The following GRID1 variants were observed in gnomAD, a reference collection of about 807,000 sequenced individuals.
GRID1 encodes glutamate receptor ionotropic, delta-1.
Under a neutral mutation model 98.0 loss-of-function variants are expected in GRID1, and 28 were observed. The observed-to-expected ratio is 0.29, with a 90% CI of 0.21 to 0.39. The LOEUF (loss-of-function observed/expected upper bound fraction) is 0.39. Among genes scored for constraint, GRID1 ranks in the 10% least tolerant of loss-of-function variants. GRID1 has a pLI of 1.00. For synonymous variants in GRID1, 553 were observed against 538.5 expected (o/e 1.03, Z -0.37); for missense variants, 1,111 against 1,340.5 (o/e 0.83, Z 2.67).
At chr10:86,057,051 C>T (rs939090935) in intron 4 of GRID1, among the ~76,000 whole-genome samples, 1 of 152,216 alleles carries the variant, frequency 6.6e-6, no homozygotes, top group African/African-American at 2.4e-5. Context: ...GGGACTCAGG[C>T]TGCATTCCAA....
intron 4 of GRID1, among the ~76,000 whole-genome samples, chr10:86,045,752 A>G (rs189418612): frequency 9.8e-5 from 15 of 152,288 alleles, no homozygotes; most frequent in Admixed American, 9.1e-4. Context: ...TTCATGACCA[A>G]TTGTCATAAT....
intron 4 of GRID1, among the ~76,000 whole-genome samples, chr10:85,920,422 G>C (rs1192842420): frequency 6.6e-6 from 1 of 152,138 alleles, no homozygotes; most frequent in East Asian, 1.9e-4. Flanking sequence ...GTCTCTTGAA[G>C]TACACGTGCA....
intron 4 of GRID1, among the ~76,000 whole-genome samples, chr10:85,932,365 CAAAG>C (rs1336427877): frequency 1.3e-5 from 2 of 152,286 alleles, no homozygotes; most frequent in Middle Eastern, 3.4e-3. Context: ...GCACATGCTA[CAAAG>C]CCTGGTTAAT....
chr10:85,700,272 AAAAC>A (rs1415815401), intron 12 of GRID1, among the ~76,000 whole-genome samples: 7 of 152,200 alleles, frequency 4.6e-5, no homozygotes, highest in African/African-American at 1.7e-4. Context: ...ATAAAAGAGA[AAAAC>A]AGACAGGTTA....
chr10:85,650,153 G>T (rs1843248742), intron 12 of GRID1: 1 of 152,264 alleles, frequency 6.6e-6, no homozygotes, highest in Non-Finnish European at 1.5e-5. Context: ...GTTTTGGAGG[G>T]GACACACAGG....
chr10:86,069,509 G>A (rs371995952), intron 4 of GRID1, among the ~76,000 whole-genome samples: 16 of 152,190 alleles, frequency 1.1e-4, no homozygotes, highest in African/African-American at 3.9e-4. Context: ...TTGGCACGGT[G>A]TGGTGGCGGG....
At chr10:85,685,675 C>G (rs1288097325) in intron 12 of GRID1, among the ~76,000 whole-genome samples, 2 of 152,026 alleles carry the variant, frequency 1.3e-5, no homozygotes, top group African/African-American at 2.4e-5. Context: ...TAAATTAAAA[C>G]AGTTTGGTAT....
intron 2 of GRID1, among the ~76,000 whole-genome samples, chr10:86,319,496 G>T (rs1032650027): frequency 6.6e-6 from 1 of 152,132 alleles, no homozygotes; most frequent in African/African-American, 2.4e-5. Context: ...ACCCTTTTCT[G>T]CCTGGCATGG....
chr10:86,222,629 G>C (rs1383867460), intron 2 of GRID1, among the ~76,000 whole-genome samples: 1 of 152,200 alleles, frequency 6.6e-6, no homozygotes, highest in Non-Finnish European at 1.5e-5. Context: ...TGGCAACCCA[G>C]GGCAGTGGAG....
chr10:86,116,052 G>A (rs1352423371), intron 4 of GRID1, among the ~76,000 whole-genome samples: 2 of 152,160 alleles, frequency 1.3e-5, no homozygotes, highest in Non-Finnish European at 1.5e-5. Context: ...GTGTGTTGTA[G>A]GCTGTACTGT....
intron 2 of GRID1, among the ~76,000 whole-genome samples, chr10:86,345,192 T>A (rs935260750): frequency 6.6e-6 from 1 of 152,236 alleles, no homozygotes; most frequent in East Asian, 1.9e-4. Context: ...CATGTCTGCA[T>A]GGAGGGGCCT....
At chr10:85,751,911 C>T (rs1472268354) in intron 8 of GRID1, among the ~76,000 whole-genome samples, 1 of 151,816 alleles carries the variant, frequency 6.6e-6, no homozygotes, top group Non-Finnish European at 1.5e-5. Flanking sequence ...TTATGCAAGC[C>T]CAGGGTTGTG....
intron 4 of GRID1, among the ~76,000 whole-genome samples, chr10:85,937,495 T>C (rs1203555536): frequency 6.6e-6 from 1 of 152,220 alleles, no homozygotes; most frequent in Admixed American, 6.5e-5. Context: ...TGCCCTACCC[T>C]GTCTCATCTC....
intron 12 of GRID1, among the ~76,000 whole-genome samples, chr10:85,704,452 T>C (rs939942605): frequency 5.3e-5 from 8 of 151,738 alleles, no homozygotes; most frequent in Non-Finnish European, 1.0e-4. Context: ...AATACAGGAG[T>C]ACCCAGATTC....
At chr10:86,056,120 T>A (rs1843568951) in intron 4 of GRID1, among the ~76,000 whole-genome samples, 1 of 152,136 alleles carries the variant, frequency 6.6e-6, no homozygotes, top group African/African-American at 2.4e-5. Context: ...GCAGGTGGAC[T>A]CCACTCCACT....
chr10:86,061,211 G>C (rs564690310), intron 4 of GRID1, among the ~76,000 whole-genome samples: 2 of 152,140 alleles, frequency 1.3e-5, no homozygotes, highest in African/African-American at 4.8e-5. Flanking sequence ...CAGCAGCTCC[G>C]AGCAGCTCCA....
chr10:86,200,101 A>C (rs1316847553), intron 3 of GRID1, among the ~76,000 whole-genome samples: 1 of 152,008 alleles, frequency 6.6e-6, no homozygotes, highest in Non-Finnish European at 1.5e-5. Context: ...GAAAGAGGGA[A>C]GCAAGTTCTT....
chr10:86,137,320 G>A (rs1473962013), intron 4 of GRID1, among the ~76,000 whole-genome samples: 1 of 152,224 alleles, frequency 6.6e-6, no homozygotes, highest in African/African-American at 2.4e-5. Flanking sequence ...CTAAGACGGT[G>A]ATGCAAATGG....
intron 4 of GRID1, among the ~76,000 whole-genome samples, chr10:86,078,480 C>T (rs1462510339): frequency 6.6e-6 from 1 of 152,258 alleles, no homozygotes; most frequent in Non-Finnish European, 1.5e-5. Flanking sequence ...CACAAGCCAT[C>T]CCCCTGCCCT....
Sources: gnomAD v4.1 joint callset for allele counts (sites outside exome capture counted in the v4.1 genomes callset) on GRCh38, gnomAD v4.1.1 for gene constraint, MANE v1.5 for transcripts, NCBI Gene and HGNC (gene_info 2026-07-23, HGNC 2026-07-21) for gene names.